The following DZANK1 variants were observed in gnomAD, a reference collection of about 807,000 sequenced individuals.
The protein encoded by DZANK1 is double zinc ribbon and ankyrin repeat-containing protein 1.
Under a neutral mutation model 94.5 loss-of-function variants are expected in DZANK1, and 91 were observed. That is an observed-to-expected ratio of 0.96 (90% CI 0.81 to 1.15). The LOEUF (loss-of-function observed/expected upper bound fraction) is 1.15, where lower values mean the gene tolerates loss of function less well. Ranked by LOEUF, DZANK1 falls within the 50% of genes most tolerant of loss-of-function variation. DZANK1 has a pLI of 0.00. For synonymous variants in DZANK1, 312 were observed against 325.3 expected, an observed-to-expected ratio of 0.96 and a Z score of 0.44; for missense variants, 903 against 916.4, an observed-to-expected ratio of 0.99 and a Z score of 0.19.
rs149759867 is a variant in DZANK1, at chr20:18,457,250, G to C, written c.264-1889C>G. 2.5e-3 allele frequency among the ~76,000 whole-genome samples: 386 copies of C among 152,258 alleles called. 6 individuals carry two copies. Among genetic ancestry groups the C allele is most frequent in the Admixed American group, 0.021 (326 of 15,290 alleles). Reference sequence around the variant, plus strand: ...AGCACTTTGGGAGGCCAAGGCAGGCGAATCACTTGAGGCCAGGAGTTCACG... The same window carrying C: ...AGCACTTTGGGAGGCCAAGGCAGGCCAATCACTTGAGGCCAGGAGTTCACG... On this transcript the variant is annotated intron_variant, in intron 3 of 20. Coordinates refer to ENST00000262547, the Ensembl canonical transcript of DZANK1.
rs201272463 is a variant in DZANK1 at position 18,457,488 on chromosome 20, GAACA to G, written c.264-2131_264-2128del. On this transcript the variant is annotated intron_variant, in intron 3 of 20. Transcript: ENST00000262547. ...CGAGACCCTGTCTCAAAAAACAAATGAACAAACAAACAAACAAACAGAGGCTTAA... is the reference window on the plus strand; with the variant it reads ...CGAGACCCTGTCTCAAAAAACAAATGAACAAACAAACAAACAGAGGCTTAA... Among the ~76,000 whole-genome samples the G allele has an allele frequency of 3.8e-3, 579 of 152,098 alleles. 2 individuals carry two copies. Among genetic ancestry groups the G allele is most frequent in the Middle Eastern group, 0.01 (3 of 294 alleles).
At position 18,443,744 on chromosome 20, in the gene DZANK1, C is replaced by T. The variant is rs550051359; in HGVS notation, c.630-280G>A. Among the ~76,000 whole-genome samples the T allele has an allele frequency of 5.9e-5, 9 of 152,184 alleles. No individual in the cohort carries two copies. In the South Asian group the frequency reaches 1.9e-3, roughly 32 times the overall value. On this transcript the variant is annotated intron_variant, in intron 7 of 20. Transcript: ENST00000262547. Reference sequence around the variant, plus strand: ...CAAGAAGTTTATCAGCAGCCTTGGCCCCACTTCTTGCTCGGGCTCTGGCTT... The same window carrying T: ...CAAGAAGTTTATCAGCAGCCTTGGCTCCACTTCTTGCTCGGGCTCTGGCTT...
chr20:18,409,551 TACACACACAC>T (rs71194238), intron 13 of DZANK1, among the ~76,000 whole-genome samples: 19 of 142,560 alleles, frequency 1.3e-4, no homozygotes, highest in Non-Finnish European at 1.7e-4. Flanking sequence ...GTAATATGAA[TACACACACAC>T]ACACACACAC....
chr20:18,420,863 C>G (rs2057744928), intron 10 of DZANK1: 1 of 155,668 alleles, frequency 6.4e-6, no homozygotes, highest in Admixed American at 6.4e-5. Flanking sequence ...CAGTTGAGGT[C>G]AGCCAGAACC....
chr20:18,441,548 G>A lies in DZANK1; in HGVS notation c.747+1799C>T, dbSNP rs184957800. ...GGGAGGATCCCCTACCTCTGTGGCT[G>A]AGACAGAGAACCGAAGGAGGATCAA... On this transcript the variant is annotated intron_variant, in intron 8 of 20. Transcript: ENST00000262547. The surrounding 1 kb of genome is among the most constrained non-coding windows in gnomAD (Gnocchi z 4.1). Among the ~76,000 whole-genome samples the A allele has an allele frequency of 1.4e-3, 215 of 152,334 alleles. 1 individual carries two copies. Among genetic ancestry groups the A allele is most frequent in the African/African-American group, 5.0e-3 (208 of 41,580 alleles).
intron 13 of DZANK1, among the ~76,000 whole-genome samples, chr20:18,405,182 G>A (rs901958301): frequency 2.1e-4 from 32 of 152,086 alleles, no homozygotes; most frequent in African/African-American, 6.8e-4. Context: ...GGGTAACAGA[G>A]CAAGACTCTG....
chr20:18,400,779 T>C (rs1312047257), intron 13 of DZANK1, among the ~76,000 whole-genome samples: 1 of 152,202 alleles, frequency 6.6e-6, no homozygotes. Context: ...CTATTGGTCA[T>C]GTACTATTCT....
chr20:18,394,694 G>C (rs768278899), intron 15 of DZANK1: 18 of 523,204 alleles, frequency 3.4e-5, no homozygotes, highest in Non-Finnish European at 6.8e-5. Context: ...CTTTATAAGT[G>C]ATTGTGTCAT....
At chr20:18,437,940 C>T (rs572445808) in intron 8 of DZANK1, among the ~76,000 whole-genome samples, 4 of 151,714 alleles carry the variant, frequency 2.6e-5, no homozygotes, top group South Asian at 2.1e-4. Context: ...CACAAAAGGC[C>T]GGGTGCGGTG....
chr20:18,428,402 T>G (rs1600961364), intron 9 of DZANK1, among the ~76,000 whole-genome samples: 1 of 152,090 alleles, frequency 6.6e-6, no homozygotes, highest in East Asian at 2.0e-4. Context: ...TGGGTCAGGC[T>G]GGTCTCAAAC....
chr20:18,411,076 T>C (rs2057232179), intron 13 of DZANK1, among the ~76,000 whole-genome samples: 1 of 152,178 alleles, frequency 6.6e-6, no homozygotes, highest in African/African-American at 2.4e-5. Context: ...ATCATCACCC[T>C]AATCTTTGAC....
chr20:18,396,606 T>A (rs1266914233), intron 14 of DZANK1, 60 bp from the exon 15 acceptor site: 1 of 1,220,298 alleles, frequency 8.2e-7, no homozygotes, highest in East Asian at 2.5e-5. Flanking sequence ...TTGCCTTAAG[T>A]AACAGTGTAC....
chr20:18,449,097 C>T, intron 6 of DZANK1, 28 bp from the exon 7 acceptor site: 1 of 1,573,718 alleles, frequency 6.4e-7, no homozygotes, highest in South Asian at 1.1e-5. Flanking sequence ...GGTATAAAGA[C>T]AGAGTCATAT....
At chr20:18,396,207 A>G (rs1157537778) in intron 15 of DZANK1, among the ~76,000 whole-genome samples, 3 of 152,340 alleles carry the variant, frequency 2.0e-5, no homozygotes, top group Non-Finnish European at 4.4e-5. Context: ...CCCCAAATCA[A>G]TTATATCACA....
At chr20:18,384,967 G>A in intron 20 of DZANK1, 49 bp downstream of exon 20, 2 of 1,504,180 alleles carry the variant, frequency 1.3e-6, no homozygotes, top group Admixed American at 2.0e-5. Flanking sequence ...GGCCATTAGG[G>A]AGATCCCTGT....
chr20:18,453,840 A>G lies in DZANK1; in HGVS notation c.379-13T>C. The G allele has an allele frequency of 7.0e-7, 1 of 1,421,102 alleles. No homozygotes were observed. The highest frequency in any genetic ancestry group is 1.0e-6 in the Non-Finnish European group (1 of 1,004,370). The allele number at this position is 1,421,102 out of a possible 1,614,324, so 88.0% of individuals were successfully genotyped here. A position where few individuals can be genotyped will look rare whatever the true frequency, so the allele number is the denominator to read the frequency against. Reference sequence around the variant, plus strand: ...CATTTTTGAATTCCTAGGAATGAAGAGATTGCATATCAATCACTTGGTTAT... The same window carrying G: ...CATTTTTGAATTCCTAGGAATGAAGGGATTGCATATCAATCACTTGGTTAT... On this transcript the variant is annotated splice_polypyrimidine_tract_variant and intron_variant, in intron 4 of 20. Coordinates refer to ENST00000262547, the Ensembl canonical transcript of DZANK1.
chr20:18,435,263 A>G (rs992382422), intron 8 of DZANK1, among the ~76,000 whole-genome samples: 1 of 152,300 alleles, frequency 6.6e-6, no homozygotes, highest in African/African-American at 2.4e-5. Context: ...TGCTGACCCA[A>G]AGGTAAACAT....
exon 9 of DZANK1, chr20:18,433,698 G>C: frequency 6.2e-7 from 1 of 1,614,012 alleles, no homozygotes. Context: ...AGCAAGAGGG[G>C]CCTCACACAC....
At chr20:18,390,536 G>A in intron 17 of DZANK1, 77 bp from the exon 18 acceptor site, 1 of 1,401,766 alleles carries the variant, frequency 7.1e-7, no homozygotes, top group Non-Finnish European at 1.0e-6. Flanking sequence ...TTCCAACATT[G>A]AATTCTAAGT....
Sources: gnomAD v4.1 joint callset for allele counts (sites outside exome capture counted in the v4.1 genomes callset) on GRCh38, gnomAD v4.1.1 for gene constraint, Gnocchi (gnomAD v3.1) non-coding constraint, MANE v1.5 for transcripts, NCBI Gene and HGNC (gene_info 2026-07-23, HGNC 2026-07-21) for gene names.